Variants in RAB22A observed in about 807,000 individuals in gnomAD.
RAB22A encodes RAB22A, member RAS oncogene family, also known as ras-related protein Rab-22A.
In RAB22A, 13 loss-of-function variants were observed where a neutral mutation model predicts 30.2. The ratio of observed to expected loss-of-function variants is 0.43; its 90% confidence interval spans 0.28 to 0.68. The LOEUF (loss-of-function observed/expected upper bound fraction) is 0.68, where lower values mean the gene tolerates loss of function less well. RAB22A is among the 30% of genes least tolerant of loss of function. The probability of loss-of-function intolerance (pLI) is 0.18; values close to 1 mark genes in which losing one functional copy is unlikely to be tolerated. For missense variants in RAB22A, 177 were observed against 246.8 expected, an observed-to-expected ratio of 0.72 and a Z score of 1.89; for synonymous variants, 89 against 87.2, an observed-to-expected ratio of 1.02 and a Z score of -0.11.
intron 2 of RAB22A, among the ~76,000 whole-genome samples, chr20:58,311,646 C>T (rs567808752): frequency 3.9e-5 from 6 of 152,214 alleles, no homozygotes; most frequent in African/African-American, 7.2e-5. Context: ...ATGTTTTTGA[C>T]GCTATAAGAA....
chr20:58,324,381 C>T (rs1404681985), intron 2 of RAB22A, among the ~76,000 whole-genome samples: 1 of 151,962 alleles, frequency 6.6e-6, no homozygotes, highest in Non-Finnish European at 1.5e-5. Context: ...AGATTCTATA[C>T]GGAGACCCCG....
intron 3 of RAB22A, among the ~76,000 whole-genome samples, chr20:58,347,558 T>C (rs1049111344): frequency 3.9e-5 from 6 of 152,242 alleles, no homozygotes; most frequent in Non-Finnish European, 7.3e-5. Context: ...TGTGCTAGTA[T>C]GTAGTTTTAT....
intron 1 of RAB22A, among the ~76,000 whole-genome samples, chr20:58,310,563 T>C (rs1986204379): frequency 6.6e-6 from 1 of 152,232 alleles, no homozygotes; most frequent in Non-Finnish European, 1.5e-5. Flanking sequence ...CAGCTTCCTG[T>C]CTTGTCAGGA....
intron 2 of RAB22A, among the ~76,000 whole-genome samples, chr20:58,322,150 C>T (rs776286721): frequency 6.6e-6 from 1 of 152,218 alleles, no homozygotes; most frequent in Non-Finnish European, 1.5e-5. Flanking sequence ...AAATGTCTCT[C>T]TTTTGTCCCT....
intron 6 of RAB22A, among the ~76,000 whole-genome samples, chr20:58,354,523 A>T (rs1987103038): frequency 6.6e-6 from 1 of 152,178 alleles, no homozygotes; most frequent in Non-Finnish European, 1.5e-5. Context: ...AAGCTGTCCC[A>T]TTTCTTTCTC....
At chr20:58,321,261 G>A (rs942656202) in intron 2 of RAB22A, among the ~76,000 whole-genome samples, 4 of 152,078 alleles carry the variant, frequency 2.6e-5, no homozygotes, top group African/African-American at 7.2e-5. Context: ...CTACTGGGGA[G>A]GCTGAGGCAG....
At chr20:58,324,878 A>C (rs1464071875) in intron 2 of RAB22A, among the ~76,000 whole-genome samples, 24 of 138,040 alleles carry the variant, frequency 1.7e-4, no homozygotes, top group Admixed American at 9.1e-4. Context: ...AAAAAAAAAA[A>C]AAAAAAAAAA....
chr20:58,316,988 A>G (rs754057983), intron 2 of RAB22A, among the ~76,000 whole-genome samples: 1 of 152,162 alleles, frequency 6.6e-6, no homozygotes, highest in South Asian at 2.1e-4. Context: ...TTGCTGTTAT[A>G]TGACTTCTAG....
rs767156339 is a variant in RAB22A, at chr20:58,354,142, T to C, written c.378-14T>C. The C allele has an allele frequency of 6.3e-7, 1 of 1,589,052 alleles. No homozygotes were observed. The highest frequency in any genetic ancestry group is 8.6e-7 in the Non-Finnish European group (1 of 1,158,830). ...CATGGGTAGAATTTCTGATATGTAG[T>C]TGTTGCCTTCCAGAGAAGTCATGGA... On this transcript the variant is annotated splice_polypyrimidine_tract_variant and intron_variant, in intron 5 of 6. Coordinates refer to ENST00000244040, the MANE Select transcript of RAB22A (RefSeq NM_020673.3).
At chr20:58,312,472 C>CTTTTTTTTTTT (rs58198236) in intron 2 of RAB22A, among the ~76,000 whole-genome samples, 2 of 38,710 alleles carry the variant, frequency 5.2e-5, no homozygotes, top group African/African-American at 9.9e-5. Flanking sequence ...GGCTGGTTTT[C>CTTTTTTTTTTT]TTTTTTTTTT....
At chr20:58,348,241 T>G (rs2122963503) in intron 3 of RAB22A, among the ~76,000 whole-genome samples, 1 of 152,074 alleles carries the variant, frequency 6.6e-6, no homozygotes, top group South Asian at 2.1e-4. Context: ...AAAAAAAGCT[T>G]CCTAACCAGA....
chr20:58,324,615 TC>T (rs1352201250), intron 2 of RAB22A, among the ~76,000 whole-genome samples: 1 of 152,204 alleles, frequency 6.6e-6, no homozygotes, highest in Non-Finnish European at 1.5e-5. Context: ...ACGCCTGTAA[TC>T]CCAGCACTTT....
intron 2 of RAB22A, among the ~76,000 whole-genome samples, chr20:58,338,189 G>A (rs1457622579): frequency 6.6e-6 from 1 of 151,872 alleles, no homozygotes; most frequent in Non-Finnish European, 1.5e-5. Context: ...ATCACACCCG[G>A]CTAATTTTTG....
Position 58,319,425 on chromosome 20 carries a change from C to T in RAB22A, c.116+8303C>T, listed in dbSNP as rs6015251. Among the ~76,000 whole-genome samples the T allele has an allele frequency of 6.9e-3, 1,056 of 152,252 alleles. 12 individuals carry two copies. The highest frequency in any genetic ancestry group is 0.022 in the African/African-American group (904 of 41,538). ...TGTCCCATTGGTCTATTCATCTGTC[C>T]TCAAGCCAGTACAATATTGTGTTCA... On this transcript the variant is annotated intron_variant, in intron 2 of 6. Coordinates refer to ENST00000244040, the MANE Select transcript of RAB22A (RefSeq NM_020673.3).
chr20:58,356,151 A>C (rs1237058046), intron 6 of RAB22A, among the ~76,000 whole-genome samples: 2 of 152,070 alleles, frequency 1.3e-5, no homozygotes, highest in Admixed American at 1.3e-4. Flanking sequence ...ATCTCTACTA[A>C]AAATACAAAA....
intron 2 of RAB22A, among the ~76,000 whole-genome samples, chr20:58,326,691 T>C (rs1029142320): frequency 6.6e-6 from 1 of 152,176 alleles, no homozygotes; most frequent in South Asian, 2.1e-4. Flanking sequence ...GTAGAATTGA[T>C]AGTTGGTAGG....
Position 58,354,233 on chromosome 20 carries a change from C to G in RAB22A, c.455C>G (p.Ala152Gly). The G allele has an allele frequency of 6.2e-7, 1 of 1,613,382 alleles. No homozygotes were observed. The highest frequency in any genetic ancestry group is 1.3e-5 in the African/African-American group (1 of 75,040). The change falls in exon 6 of 7, where the codon GCG becomes GGG. Residue 152 changes from alanine to glycine, a missense_variant. Transcript: ENST00000244040. ...AIFVETSAKN[A>G]ININELFIEI... Reference sequence around the variant, plus strand: ...TTTGTAGAGACCAGCGCAAAAAACGCGATAAACATAAATGAACTCTTTATA... The same window carrying G: ...TTTGTAGAGACCAGCGCAAAAAACGGGATAAACATAAATGAACTCTTTATA...
Position 58,309,815 on chromosome 20 carries a change from G to C in RAB22A, c.-162G>C. The C allele has an allele frequency of 1.7e-6, 1 of 593,030 alleles. No individual in the cohort carries two copies. The highest frequency in any genetic ancestry group is 2.5e-6 in the Non-Finnish European group (1 of 407,140). The allele number at this position is 593,030 out of a possible 1,614,324, so 36.7% of individuals were successfully genotyped here. ...GGCGGGCCCCACGCGGCTGGCAGCGGACAGGCCGGACCTACGGCCGGAGGA... is the reference window on the plus strand; with the variant it reads ...GGCGGGCCCCACGCGGCTGGCAGCGCACAGGCCGGACCTACGGCCGGAGGA... On this transcript the variant is annotated 5_prime_UTR_variant, in exon 1 of 7. Coordinates refer to ENST00000244040, the MANE Select transcript of RAB22A (RefSeq NM_020673.3).
Position 58,343,801 on chromosome 20 carries a change from TA to T in RAB22A, c.198+4del. ...TGGGATACAGCTGGACAAGAACGAG[TA>T]AGTCACTCTTTAATTTACTCTGTTT... On this transcript the variant is annotated splice_donor_region_variant and intron_variant, in intron 3 of 6. Transcript: ENST00000244040. 1 of 1,593,316 alleles carries T rather than the reference TA, an allele frequency of 6.3e-7. No individual in the cohort carries two copies. Among genetic ancestry groups the T allele is most frequent in the Non-Finnish European group, 8.6e-7 (1 of 1,161,312 alleles).
Sources: gnomAD v4.1 joint callset for allele counts (sites outside exome capture counted in the v4.1 genomes callset) on GRCh38, gnomAD v4.1.1 for gene constraint, MANE v1.5 for transcripts, NCBI Gene and HGNC (gene_info 2026-07-23, HGNC 2026-07-21) for gene names.